The following PADI3 variants were observed in gnomAD, a reference collection of about 807,000 sequenced individuals.
PADI3 encodes the protein protein-arginine deiminase type-3.
PADI3 carries 53 observed loss-of-function variants against 71.5 expected under a neutral mutation model. The observed-to-expected ratio is 0.74, with a 90% CI of 0.59 to 0.93. The LOEUF (loss-of-function observed/expected upper bound fraction) is 0.93, where lower values mean the gene tolerates loss of function less well. PADI3 is among the 40% of genes least tolerant of loss of function. The probability of loss-of-function intolerance (pLI) is 0.00; values close to 1 mark genes in which losing one functional copy is unlikely to be tolerated. For missense variants in PADI3, 821 were observed against 868.0 expected (o/e 0.95, Z 0.68); for synonymous variants, 361 against 347.5 (o/e 1.04, Z -0.43).
chr1:17,254,097 CG>C (rs1441417732), intron 1 of PADI3, among the ~76,000 whole-genome samples: 1 of 152,130 alleles, frequency 6.6e-6, no homozygotes, highest in Admixed American at 6.5e-5. Context: ...AAAGGGTATA[CG>C]GGGCTGCCAC....
intron 2 of PADI3, among the ~76,000 whole-genome samples, 192 bp downstream of exon 2, chr1:17,259,950 C>T (rs1276019612): frequency 6.6e-6 from 1 of 152,202 alleles, no homozygotes. Flanking sequence ...CCTTGGAAAG[C>T]CTTATCATCC....
chr1:17,266,944 G>A (rs1319948647), intron 5 of PADI3, 108 bp downstream of exon 5: 3 of 832,446 alleles, frequency 3.6e-6, no homozygotes, highest in Non-Finnish European at 6.1e-6. Context: ...CCAGGGGAGA[G>A]CGCCAGCCTC....
At chr1:17,278,876 C>T (rs1229047108) in intron 13 of PADI3, among the ~76,000 whole-genome samples, 2 of 152,190 alleles carry the variant, frequency 1.3e-5, no homozygotes, top group Non-Finnish European at 2.9e-5. Context: ...TCCCCTTGCT[C>T]TCTGTTTGCT....
intron 4 of PADI3, 137 bp from the exon 5 acceptor site, chr1:17,266,582 C>T: frequency 1.4e-6 from 1 of 717,778 alleles, no homozygotes; most frequent in Non-Finnish European, 2.5e-6. Context: ...ATTGACATGT[C>T]TTGAGAAGGA....
At chr1:17,257,116 G>A (rs111644534) in intron 1 of PADI3, among the ~76,000 whole-genome samples, 7,900 of 142,192 alleles carry the variant, frequency 0.056, 488 homozygotes, top group South Asian at 0.15. Context: ...GGGTGTTCCC[G>A]AGGGTATGAG....
chr1:17,267,786 G>T (rs2073190089), intron 5 of PADI3, 51 bp from the exon 6 acceptor site: 1 of 1,601,656 alleles, frequency 6.2e-7, no homozygotes, highest in East Asian at 2.2e-5. Context: ...AGAGGAAGGG[G>T]CCAGGGGCCA....
chr1:17,257,612 G>T (rs2073044058), intron 1 of PADI3, among the ~76,000 whole-genome samples: 1 of 152,328 alleles, frequency 6.6e-6, no homozygotes, highest in South Asian at 2.1e-4. Context: ...CACCAGAGTG[G>T]GACCTGCCTG....
In PADI3 at chr1:17,265,711, T is replaced by C. The variant is rs1457593096; in HGVS notation, c.399T>C (p.Phe133=). 1 of 1,613,974 alleles carries C rather than the reference T, an allele frequency of 6.2e-7. No homozygotes were observed. The highest frequency in any genetic ancestry group is 1.3e-5 in the African/African-American group (1 of 74,914). The change falls in exon 4 of 16, where the codon TTT becomes TTC. Residue 133 remains phenylalanine (F), a synonymous_variant. Transcript: ENST00000375460. ...GTGAGGGAAGGCAGGACAGGAACTT[T>C]GTAGACAAGGTAAGCATCTCTGCCT... ...LNCEGRQDRN[F]VDKRQWVWGP...
Position 17,280,403 on chromosome 1 carries a change from C to A in PADI3, c.1609C>A (p.Leu537Ile), listed in dbSNP as rs1379987024. The A allele has an allele frequency of 6.2e-7, 1 of 1,613,960 alleles. No homozygotes were observed. The highest frequency in any genetic ancestry group is 1.7e-5 in the Admixed American group (1 of 60,022). Residue 537 changes from leucine (L) to isoleucine (I), a missense_variant, in exon 14 of 16, where the codon CTC becomes ATC. Leu to Ile is a conservative substitution (Grantham distance 5, BLOSUM62 2). Coordinates refer to ENST00000375460, the MANE Select transcript of PADI3 (RefSeq NM_016233.2). Reference sequence around the variant, plus strand: ...CAACCAGGTGCTCTCCAATAAAGACCTCATCAACTACAATAAGTTTGTGCA... The same window carrying A: ...CAACCAGGTGCTCTCCAATAAAGACATCATCAACTACAATAAGTTTGTGCA... ...SINQVLSNKD[L>I]INYNKFVQSC...
Position 17,280,382 on chromosome 1 carries a change from C to G in PADI3, c.1588C>G (p.Gln530Glu), listed in dbSNP as rs2073385265. Residue 530 changes from glutamine to glutamate, a missense_variant, in exon 14 of 16, where the codon CAG (glutamine) becomes GAG (glutamate). Coordinates refer to ENST00000375460, the MANE Select transcript of PADI3 (RefSeq NM_016233.2). ...GCAGGTCAAGACCATCTCCATCAAC[C>G]AGGTGCTCTCCAATAAAGACCTCAT... ...DEQVKTISIN[Q>E]VLSNKDLINY... 6.2e-7 allele frequency: 1 copy of G among 1,613,962 alleles called. No homozygotes were observed. The highest frequency in any genetic ancestry group is 1.7e-5 in the Admixed American group (1 of 60,008).
chr1:17,260,939 G>C (rs1283173091), intron 2 of PADI3, among the ~76,000 whole-genome samples: 1 of 151,320 alleles, frequency 6.6e-6, no homozygotes, highest in Non-Finnish European at 1.5e-5. Context: ...AGGAAGTTCA[G>C]AGTCTCTCCC....
chr1:17,254,328 C>T (rs2073001278), intron 1 of PADI3, among the ~76,000 whole-genome samples: 1 of 152,184 alleles, frequency 6.6e-6, no homozygotes, highest in Non-Finnish European at 1.5e-5. Context: ...GTCATCTTGT[C>T]AACCTTTCGG....
chr1:17,250,787 G>A (rs1040796134), intron 1 of PADI3, among the ~76,000 whole-genome samples: 2 of 152,208 alleles, frequency 1.3e-5, no homozygotes, highest in African/African-American at 4.8e-5. Context: ...CTGCTGCCTC[G>A]TGCCCGTTGG....
Position 17,261,492 on chromosome 1 carries a change from G to A in PADI3, c.274-641G>A, listed in dbSNP as rs181655487. 3.3e-5 allele frequency among the ~76,000 whole-genome samples: 5 copies of A among 152,350 alleles called. No homozygotes were observed. The East Asian group carries it at 7.7e-4, about 23-fold the overall frequency. On this transcript the variant is annotated intron_variant, in intron 2 of 15. Coordinates refer to ENST00000375460, the MANE Select transcript of PADI3 (RefSeq NM_016233.2). Reference sequence around the variant, plus strand: ...GTGGGGGATTCAGAATCTGGGCCCAGGCCATCTGACCTCAGAGCCCTGCAT... The same window carrying A: ...GTGGGGGATTCAGAATCTGGGCCCAAGCCATCTGACCTCAGAGCCCTGCAT...
intron 7 of PADI3, 59 bp from the exon 8 acceptor site, chr1:17,270,819 TC>T: frequency 3.4e-6 from 4 of 1,164,492 alleles, no homozygotes; most frequent in Non-Finnish European, 5.2e-6. Flanking sequence ...GGAATCAGAG[TC>T]CCCCCAGGCC....
intron 1 of PADI3, among the ~76,000 whole-genome samples, chr1:17,255,412 C>T (rs778106003): frequency 3.0e-4 from 46 of 152,234 alleles, no homozygotes; most frequent in Non-Finnish European, 5.6e-4. Flanking sequence ...GCCTCAGCGG[C>T]GAGGGTCCAA....
rs1225637145 is a variant in PADI3, at chr1:17,282,789, G to C, written c.1762-57G>C. The C allele has an allele frequency of 1.1e-5, 14 of 1,305,432 alleles. No homozygotes were observed. The East Asian group carries it at 3.0e-4, about 28-fold the overall frequency. 80.9% of individuals were successfully genotyped at this position (1,305,432 alleles called of 1,614,324 possible). On this transcript the variant is annotated intron_variant, in intron 15 of 15. Coordinates refer to ENST00000375460, the MANE Select transcript of PADI3 (RefSeq NM_016233.2). ...CACAAACCTAGGTCCTGCAGGTAGA[G>C]TAGAGGTGTGGGGTGGGAGCCCAGT...
chr1:17,267,172 T>C (rs1266797466), intron 5 of PADI3, among the ~76,000 whole-genome samples: 2 of 152,100 alleles, frequency 1.3e-5, no homozygotes, highest in East Asian at 3.9e-4. Flanking sequence ...ATCATCCAAG[T>C]GGGACAATAT....
chr1:17,255,206 C>A (rs1198920551), intron 1 of PADI3, among the ~76,000 whole-genome samples: 11 of 152,238 alleles, frequency 7.2e-5, no homozygotes. Context: ...TGTCTGGGAC[C>A]TTGCAGGTTT....
Sources: gnomAD v4.1 joint callset for allele counts (sites outside exome capture counted in the v4.1 genomes callset) on GRCh38, gnomAD v4.1.1 for gene constraint, MANE v1.5 for transcripts, NCBI Gene and HGNC (gene_info 2026-07-23, HGNC 2026-07-21) for gene names.